Variants in OTUD7A observed in about 807,000 individuals in gnomAD.
OTUD7A encodes OTU domain-containing protein 7A.
A neutral mutation model predicts 65.7 loss-of-function variants in OTUD7A; 12 were observed. The ratio of observed to expected loss-of-function variants is 0.18; its 90% CI spans 0.12 to 0.30. The LOEUF is 0.30. OTUD7A is among the 10% of genes least tolerant of loss of function. OTUD7A has a pLI of 1.00. For synonymous variants in OTUD7A, 641 were observed against 586.3 expected (o/e 1.09, Z -1.35); for missense variants, 1,148 against 1,304.8 (o/e 0.88, Z 1.85).
chr15:31,619,029 G>T (rs1230014867), intron 3 of OTUD7A, among the ~76,000 whole-genome samples: 5 of 152,120 alleles, frequency 3.3e-5, no homozygotes, highest in Non-Finnish European at 7.3e-5. Context: ...TGTTAAATAG[G>T]GAATCCTTTC....
intron 1 of OTUD7A, among the ~76,000 whole-genome samples, chr15:31,812,598 T>C (rs934652323): frequency 6.6e-5 from 10 of 152,126 alleles, no homozygotes; most frequent in Non-Finnish European, 1.0e-4. Context: ...CCTCATGGAA[T>C]GCCTATTTCT....
At chr15:31,709,143 G>A (rs1893374517) in intron 1 of OTUD7A, among the ~76,000 whole-genome samples, 1 of 151,636 alleles carries the variant, frequency 6.6e-6, no homozygotes, top group Non-Finnish European at 1.5e-5. Flanking sequence ...CGCTCCTGCA[G>A]AGGGCTGAAC....
Position 31,483,656 on chromosome 15 carries a change from G to C in OTUD7A, c.2440C>G (p.Gln814Glu). 1 of 1,169,774 alleles carries C rather than the reference G, an allele frequency of 8.5e-7. No individual in the cohort carries two copies. The highest frequency in any genetic ancestry group is 1.1e-6 in the Non-Finnish European group (1 of 950,362). The allele number at this position is 1,169,774 out of a possible 1,614,324, so 72.5% of individuals were successfully genotyped here. A position where few individuals can be genotyped will look rare whatever the true frequency, so the allele number is the denominator to read the frequency against. The change falls in exon 13 of 13, where the codon CAG becomes GAG. Residue 814 changes from glutamine to glutamate, a missense_variant. Physicochemically the swap from Gln to Glu is conservative, Grantham distance 29. Transcript: ENST00000307050. ...GCGGCGCGCGCCGGGCTGTAGCTCT[G>C]CGACGACAGCGAGCGGTTCTGCTGC... ...YPQQNRSLSS[Q>E]SYSPARAAAL...
chr15:31,688,580 T>A (rs1442741694), intron 1 of OTUD7A, among the ~76,000 whole-genome samples: 2 of 152,144 alleles, frequency 1.3e-5, no homozygotes, highest in Non-Finnish European at 2.9e-5. Flanking sequence ...GGTATCTGGG[T>A]AGGGACAACA....
intron 1 of OTUD7A, among the ~76,000 whole-genome samples, chr15:31,751,699 G>GT (rs1251172038): frequency 5.9e-5 from 9 of 152,236 alleles, no homozygotes; most frequent in African/African-American, 2.2e-4. Context: ...AAAAGAAAAT[G>GT]TGTTTCATAT....
chr15:31,768,663 A>G (rs1895151798), intron 1 of OTUD7A, among the ~76,000 whole-genome samples: 1 of 152,102 alleles, frequency 6.6e-6, no homozygotes, highest in Non-Finnish European at 1.5e-5. Context: ...ACAAAGAAAA[A>G]AAAAAAAAGT....
At chr15:31,866,814 C>A (rs552860426) in intron 1 of OTUD7A, among the ~76,000 whole-genome samples, 2 of 152,302 alleles carry the variant, frequency 1.3e-5, no homozygotes, top group South Asian at 4.1e-4. Flanking sequence ...GAGCCTGATT[C>A]ACTAAAGCTG....
chr15:31,678,832 G>A (rs80102853), intron 1 of OTUD7A, among the ~76,000 whole-genome samples: 6,958 of 152,286 alleles, frequency 0.046, 306 homozygotes, highest in African/African-American at 0.12. Context: ...CTGAGGCACT[G>A]CTTAGTGGAG....
chr15:31,633,043 A>G (rs1891227769), intron 3 of OTUD7A, among the ~76,000 whole-genome samples: 1 of 152,190 alleles, frequency 6.6e-6, no homozygotes, highest in African/African-American at 2.4e-5. Flanking sequence ...TTGACTAGGA[A>G]AGGGAATTCC....
intron 5 of OTUD7A, 59 bp downstream of exon 5, chr15:31,558,909 AG>A (rs773527899): frequency 1.3e-6 from 2 of 1,558,156 alleles, no homozygotes; most frequent in African/African-American, 2.7e-5. Flanking sequence ...AGAGTAGGTT[AG>A]GCCAGCTCAC....
intron 3 of OTUD7A, among the ~76,000 whole-genome samples, chr15:31,585,915 A>AT (rs1889520856): frequency 6.6e-6 from 1 of 152,160 alleles, no homozygotes; most frequent in Admixed American, 6.5e-5. Context: ...AACAAAGAAG[A>AT]CTTTTTCTAG....
At chr15:31,740,297 G>C (rs548603287) in intron 1 of OTUD7A, among the ~76,000 whole-genome samples, 1 of 152,146 alleles carries the variant, frequency 6.6e-6, no homozygotes, top group South Asian at 2.1e-4. Flanking sequence ...TCGGGTTGCC[G>C]GAAGCCCCAG....
intron 1 of OTUD7A, among the ~76,000 whole-genome samples, chr15:31,739,900 C>T (rs1320616247): frequency 6.6e-6 from 1 of 152,232 alleles, no homozygotes; most frequent in Non-Finnish European, 1.5e-5. Flanking sequence ...TACACTGGGC[C>T]AGGCCCTTCT....
chr15:31,798,112 T>A (rs1896020390), intron 1 of OTUD7A, among the ~76,000 whole-genome samples: 1 of 152,148 alleles, frequency 6.6e-6, no homozygotes, highest in Admixed American at 6.5e-5. Context: ...CAGGGCCTCA[T>A]TTAAACATGA....
chr15:31,744,711 A>G (rs1894431911), intron 1 of OTUD7A, among the ~76,000 whole-genome samples: 1 of 152,110 alleles, frequency 6.6e-6, no homozygotes, highest in African/African-American at 2.4e-5. Flanking sequence ...AGTAGAAAAG[A>G]GGGATAAAGG....
chr15:31,722,550 G>C (rs1390587639), intron 1 of OTUD7A, among the ~76,000 whole-genome samples: 8 of 152,238 alleles, frequency 5.3e-5, no homozygotes, highest in Admixed American at 2.6e-4. Flanking sequence ...TGCATGGAAT[G>C]GTGGCCCTGT....
At chr15:31,657,524 A>AT (rs11394976) in intron 1 of OTUD7A, among the ~76,000 whole-genome samples, 28,385 of 146,724 alleles carry the variant, frequency 0.19, 2,879 homozygotes, top group East Asian at 0.25. Context: ...TGCCCAGCTA[A>AT]TTTTTTTTTT....
At chr15:31,675,271 A>G (rs36091087) in intron 1 of OTUD7A, among the ~76,000 whole-genome samples, 1 of 152,278 alleles carries the variant, frequency 6.6e-6, no homozygotes, top group Admixed American at 6.5e-5. Flanking sequence ...TAGGGTGGAA[A>G]GAGATGAGTC....
chr15:31,483,456 G>A lies in OTUD7A; in HGVS notation c.2640C>T (p.Arg880=), dbSNP rs1278978620. 5.8e-6 allele frequency: 8 copies of A among 1,380,406 alleles called. No homozygotes were observed. The South Asian group carries it at 8.7e-5, about 15-fold the overall frequency. 85.5% of individuals were successfully genotyped at this position (1,380,406 alleles called of 1,614,324 possible). The part of the protein sequence containing the change: ...EFADADAPTA[R]SNGECGRGGP... ...CGCCACGGCCGCACTCACCGTTCGAGCGCGCGGTCGGCGCGTCGGCGTCGG... is the reference window on the plus strand; with the variant it reads ...CGCCACGGCCGCACTCACCGTTCGAACGCGCGGTCGGCGCGTCGGCGTCGG... The change falls in exon 13 of 13, where the codon CGC becomes CGT. Residue 880 remains arginine, a synonymous_variant. Coordinates refer to ENST00000307050, the MANE Select transcript of OTUD7A (RefSeq NM_001382637.1).
Sources: allele counts gnomAD v4.1 joint callset (sites outside exome capture counted in the v4.1 genomes callset), GRCh38; gene constraint gnomAD v4.1.1; transcripts MANE v1.5; gene names NCBI Gene and HGNC (gene_info 2026-07-23, HGNC 2026-07-21).